PLEKHA5: variants seen among roughly 807,000 people sequenced by gnomAD.
The protein encoded by PLEKHA5 is pleckstrin homology domain containing A5.
A neutral mutation model predicts 181.9 loss-of-function variants in PLEKHA5; 55 were observed. The observed-to-expected ratio is 0.30, with a 90% CI of 0.24 to 0.38. The LOEUF (loss-of-function observed/expected upper bound fraction) is 0.38. Among genes scored for constraint, PLEKHA5 ranks in the 10% least tolerant of loss-of-function variants. The pLI, the probability that PLEKHA5 is intolerant of heterozygous loss-of-function variation, is 1.00. For synonymous variants in PLEKHA5, 535 were observed against 529.4 expected (o/e 1.01, Z -0.15); for missense variants, 1,432 against 1,549.5 (o/e 0.92, Z 1.27).
chr12:19,317,807 C>A (rs926469287), intron 16 of PLEKHA5, among the ~76,000 whole-genome samples: 1 of 151,932 alleles, frequency 6.6e-6, no homozygotes, highest in Non-Finnish European at 1.5e-5. Context: ...ATAACACACT[C>A]CTCAACCTGA....
At chr12:19,345,363 G>A (rs1421514177) in intron 22 of PLEKHA5, among the ~76,000 whole-genome samples, 10 of 149,366 alleles carry the variant, frequency 6.7e-5, no homozygotes, top group African/African-American at 2.2e-4. Flanking sequence ...TCTTGCCACT[G>A]CACTCCAGCC....
intron 4 of PLEKHA5, among the ~76,000 whole-genome samples, chr12:19,254,430 A>C (rs1395916469): frequency 1.3e-5 from 2 of 152,198 alleles, no homozygotes; most frequent in African/African-American, 4.8e-5. Context: ...AGTTACTGAA[A>C]TTGTTATTGT....
chr12:19,181,276 A>C (rs571667860), intron 3 of PLEKHA5, among the ~76,000 whole-genome samples: 1 of 152,316 alleles, frequency 6.6e-6, no homozygotes, highest in South Asian at 2.1e-4. Flanking sequence ...TTAAAGGAAA[A>C]TAATGTGATT....
chr12:19,188,610 G>A (rs1383015335), intron 3 of PLEKHA5, among the ~76,000 whole-genome samples: 6 of 152,200 alleles, frequency 3.9e-5, no homozygotes, highest in Middle Eastern at 3.4e-3. Flanking sequence ...ATATTTCAAC[G>A]GAATAACTGT....
intron 23 of PLEKHA5, 82 bp downstream of exon 23, chr12:19,345,970 TAATAAC>T: frequency 1.5e-6 from 1 of 668,490 alleles, no homozygotes; most frequent in South Asian, 1.9e-5. Flanking sequence ...TCTCTAATCT[TAATAAC>T]AAAAATATTT....
chr12:19,192,636 G>A (rs2051444064), intron 3 of PLEKHA5, among the ~76,000 whole-genome samples: 1 of 152,212 alleles, frequency 6.6e-6, no homozygotes, highest in South Asian at 2.1e-4. Flanking sequence ...CTGGGAGGTG[G>A]AAGCGGTTTC....
intron 10 of PLEKHA5, among the ~76,000 whole-genome samples, chr12:19,273,956 G>A (rs1391078077): frequency 2.0e-5 from 3 of 152,224 alleles, no homozygotes; most frequent in African/African-American, 4.8e-5. Context: ...TAAGAACAGA[G>A]TTGCAAGCTG....
At position 19,292,531 on chromosome 12, in the gene PLEKHA5, A is replaced by G. The variant is rs182388963; in HGVS notation, c.2037+834A>G. On this transcript the variant is annotated intron_variant, in intron 15 of 31. Coordinates refer to ENST00000429027, the MANE Select transcript of PLEKHA5 (RefSeq NM_001256470.2). ...TATTCCCTGTTTGCTGTGTACTTCC[A>G]ATGTTTGGTCTTTGCCAACGTGTGT... Among the ~76,000 whole-genome samples the G allele has an allele frequency of 1.2e-4, 18 of 152,350 alleles. No individual in the cohort carries two copies. In the East Asian group the frequency reaches 2.5e-3, roughly 21 times the overall value.
At chr12:19,138,257 T>C (rs1177293629) in intron 3 of PLEKHA5, among the ~76,000 whole-genome samples, 1 of 152,032 alleles carries the variant, frequency 6.6e-6, no homozygotes, top group Non-Finnish European at 1.5e-5. Flanking sequence ...TGTATATGTG[T>C]ATGTGTAAGT....
At chr12:19,354,797 A>G (rs958030414) in intron 26 of PLEKHA5, among the ~76,000 whole-genome samples, 1 of 152,132 alleles carries the variant, frequency 6.6e-6, no homozygotes, top group Non-Finnish European at 1.5e-5. Context: ...ATTTTGTTTA[A>G]AGAATTAGCA....
chr12:19,171,680 T>C (rs1281929951), intron 3 of PLEKHA5, among the ~76,000 whole-genome samples: 1 of 152,202 alleles, frequency 6.6e-6, no homozygotes, highest in Non-Finnish European at 1.5e-5. Flanking sequence ...TTTAAAATTC[T>C]TGCAATTTTT....
At chr12:19,253,295 GAA>G in intron 3 of PLEKHA5, among the ~76,000 whole-genome samples, 1 of 150,722 alleles carries the variant, frequency 6.6e-6, no homozygotes, top group Admixed American at 6.6e-5. Context: ...GGCTGGTCTT[GAA>G]CGCCTGACCT....
chr12:19,343,033 A>G (rs1442754719), intron 21 of PLEKHA5, among the ~76,000 whole-genome samples: 1 of 152,074 alleles, frequency 6.6e-6, no homozygotes, highest in Admixed American at 6.6e-5. Flanking sequence ...CCTTTTAATC[A>G]ATATGCCTTC....
intron 3 of PLEKHA5, among the ~76,000 whole-genome samples, chr12:19,182,681 G>A (rs186751192): frequency 3.9e-5 from 6 of 152,200 alleles, no homozygotes; most frequent in African/African-American, 1.4e-4. Flanking sequence ...CAGAAGTAAT[G>A]GAGAAGAAAT....
chr12:19,199,938 A>G (rs1002560055), intron 3 of PLEKHA5, among the ~76,000 whole-genome samples: 1 of 152,142 alleles, frequency 6.6e-6, no homozygotes, highest in Non-Finnish European at 1.5e-5. Context: ...GAAGCTAAAA[A>G]AATGAATATC....
At chr12:19,281,390 A>T (rs138486037) in intron 11 of PLEKHA5, among the ~76,000 whole-genome samples, 2 of 152,190 alleles carry the variant, frequency 1.3e-5, no homozygotes, top group African/African-American at 4.8e-5. Flanking sequence ...CGCCCTGGGC[A>T]ACATGGCAAA....
At chr12:19,159,814 G>A (rs1175556546) in intron 3 of PLEKHA5, among the ~76,000 whole-genome samples, 1 of 152,088 alleles carries the variant, frequency 6.6e-6, no homozygotes, top group African/African-American at 2.4e-5. Context: ...AGTATTTGAA[G>A]CCCGTAGAGA....
intron 11 of PLEKHA5, among the ~76,000 whole-genome samples, chr12:19,278,570 G>A (rs895692237): frequency 7.2e-5 from 11 of 152,048 alleles, no homozygotes; most frequent in African/African-American, 2.4e-4. Flanking sequence ...AATTGCTTTA[G>A]TACTAGGGCA....
At chr12:19,308,286 C>A (rs181606687) in intron 15 of PLEKHA5, among the ~76,000 whole-genome samples, 1 of 152,202 alleles carries the variant, frequency 6.6e-6, no homozygotes, top group African/African-American at 2.4e-5. Context: ...GCATCAGTGT[C>A]ATTGCTTTGT....
Sources: gnomAD v4.1 joint callset for allele counts (sites outside exome capture counted in the v4.1 genomes callset) on GRCh38, gnomAD v4.1.1 for gene constraint, MANE v1.5 for transcripts, NCBI Gene and HGNC (gene_info 2026-07-23, HGNC 2026-07-21) for gene names.